Variants in SHISA9 observed in about 807,000 individuals in gnomAD.
SHISA9 encodes the protein shisa family member 9.
Under a neutral mutation model 38.0 loss-of-function variants are expected in SHISA9, and 13 were observed. The ratio of observed to expected loss-of-function variants is 0.34; its 90% CI spans 0.22 to 0.54. The LOEUF (loss-of-function observed/expected upper bound fraction) is 0.54, where lower values mean the gene tolerates loss of function less well. SHISA9 is among the 20% of genes least tolerant of loss of function. The probability of loss-of-function intolerance (pLI) is 0.91; values close to 1 mark genes in which losing one functional copy is unlikely to be tolerated. For synonymous variants in SHISA9, 275 were observed against 242.0 expected (o/e 1.14, Z -1.27); for missense variants, 538 against 575.8 (o/e 0.93, Z 0.67).
chr16:13,031,991 A>G (rs1328467885), intron 2 of SHISA9, among the ~76,000 whole-genome samples: 1 of 151,886 alleles, frequency 6.6e-6, no homozygotes, highest in Non-Finnish European at 1.5e-5. Context: ...GCAACTGTCT[A>G]TCCAACTTTC....
chr16:13,404,842 G>A, the SHISA9 span, among the ~76,000 whole-genome samples: 4 of 152,318 alleles, frequency 2.6e-5, no homozygotes, highest in East Asian at 3.9e-4. Flanking sequence ...ATTAAGACAC[G>A]AGAGAGCATC....
intron 3 of SHISA9, among the ~76,000 whole-genome samples, chr16:13,209,365 G>C (rs1004316824): frequency 1.3e-5 from 2 of 152,192 alleles, no homozygotes; most frequent in African/African-American, 4.8e-5. Flanking sequence ...GTTAACTCAT[G>C]TCAGGGATCT....
chr16:13,098,409 G>A (rs1326374148), intron 2 of SHISA9, among the ~76,000 whole-genome samples: 2 of 152,108 alleles, frequency 1.3e-5, no homozygotes, highest in African/African-American at 2.4e-5. Context: ...GGTGTTCTGT[G>A]TTACCATATA....
chr16:13,352,840 G>A, the SHISA9 span, among the ~76,000 whole-genome samples: 1 of 151,766 alleles, frequency 6.6e-6, no homozygotes, highest in Non-Finnish European at 1.5e-5. Context: ...GATGAGCCAG[G>A]AAAAGGACTT....
At chr16:13,513,494 C>T in the SHISA9 span, among the ~76,000 whole-genome samples, 2 of 152,112 alleles carry the variant, frequency 1.3e-5, no homozygotes, top group South Asian at 2.1e-4. Flanking sequence ...TGGGTATATA[C>T]CCCAAAAATA....
At chr16:12,960,694 C>T (rs1314563420) in intron 2 of SHISA9, among the ~76,000 whole-genome samples, 6 of 152,208 alleles carry the variant, frequency 3.9e-5, no homozygotes, top group African/African-American at 1.4e-4. Context: ...TGTGTTCTCA[C>T]TTTTAAGTGG....
At chr16:13,093,094 G>A (rs1311190625) in intron 2 of SHISA9, among the ~76,000 whole-genome samples, 1 of 152,076 alleles carries the variant, frequency 6.6e-6, no homozygotes, top group Non-Finnish European at 1.5e-5. Context: ...GAAGTTTCCC[G>A]GGGGCATAGA....
At chr16:13,170,644 A>G (rs1333013976) in intron 2 of SHISA9, among the ~76,000 whole-genome samples, 1 of 152,064 alleles carries the variant, frequency 6.6e-6, no homozygotes, top group Non-Finnish European at 1.5e-5. Context: ...AATTTCAAAT[A>G]AAAGTTTGTT....
At position 13,158,525 on chromosome 16, in the gene SHISA9, G is replaced by A. The variant is rs150000018; in HGVS notation, c.692-44869G>A. 6.6e-3 allele frequency among the ~76,000 whole-genome samples: 1,003 copies of A among 152,294 alleles called. 2 individuals carry two copies. Among genetic ancestry groups the A allele is most frequent in the Non-Finnish European group, 0.01 (701 of 68,022 alleles). ...AGTGCGCACTGGATATTGCCGCAGT[G>A]TTACTTTTCTCAAGATGGCTTATTC... On this transcript the variant is annotated intron_variant, in intron 2 of 4. Coordinates refer to ENST00000558583, the MANE Select transcript of SHISA9 (RefSeq NM_001145204.3).
the SHISA9 span, among the ~76,000 whole-genome samples, chr16:13,405,947 A>T: frequency 2.0e-5 from 3 of 151,998 alleles, no homozygotes; most frequent in African/African-American, 7.2e-5. Context: ...ATGACAAAAA[A>T]AAAAAAAAGC....
At chr16:13,222,592 T>G (rs2051237790) in intron 4 of SHISA9, among the ~76,000 whole-genome samples, 1 of 152,172 alleles carries the variant, frequency 6.6e-6, no homozygotes, top group African/African-American at 2.4e-5. Context: ...AATCTAGTTC[T>G]GAGTTGAGTG....
At chr16:13,109,457 G>A (rs2073957058) in intron 2 of SHISA9, among the ~76,000 whole-genome samples, 1 of 152,102 alleles carries the variant, frequency 6.6e-6, no homozygotes, top group Non-Finnish European at 1.5e-5. Context: ...AATCTTGCAA[G>A]GCACTTAATA....
the SHISA9 span, among the ~76,000 whole-genome samples, chr16:13,368,465 AC>A: frequency 3.9e-5 from 6 of 152,210 alleles, no homozygotes; most frequent in Admixed American, 2.6e-4. Flanking sequence ...GGAACTAAGA[AC>A]CTGATTAGAT....
At chr16:12,998,479 A>G (rs923254611) in intron 2 of SHISA9, among the ~76,000 whole-genome samples, 1 of 152,128 alleles carries the variant, frequency 6.6e-6, no homozygotes, top group African/African-American at 2.4e-5. Context: ...TGGTACTGCT[A>G]ATGTCTTTGT....
intron 2 of SHISA9, among the ~76,000 whole-genome samples, chr16:12,983,755 T>A (rs1216445010): frequency 6.6e-6 from 1 of 152,252 alleles, no homozygotes; most frequent in Non-Finnish European, 1.5e-5. Flanking sequence ...CCCAAAGTGC[T>A]GGGATTACAG....
chr16:13,381,563 C>G, the SHISA9 span, among the ~76,000 whole-genome samples: 1 of 152,152 alleles, frequency 6.6e-6, no homozygotes, highest in Admixed American at 6.5e-5. Context: ...GTTCATTTAA[C>G]TATATTTGAG....
chr16:13,523,947 A>G, the SHISA9 span, among the ~76,000 whole-genome samples: 2 of 152,208 alleles, frequency 1.3e-5, no homozygotes, highest in Non-Finnish European at 2.9e-5. Flanking sequence ...AGAGGAAAGT[A>G]CTACTATTAT....
chr16:13,179,209 T>C (rs1438706), intron 2 of SHISA9, among the ~76,000 whole-genome samples: 79,028 of 151,994 alleles, frequency 0.52, 21,863 homozygotes, highest in African/African-American at 0.72. Context: ...ATCCCACCTA[T>C]TCAGGAGGCT....
At chr16:13,192,855 A>C (rs546069440) in intron 2 of SHISA9, among the ~76,000 whole-genome samples, 45 of 152,080 alleles carry the variant, frequency 3.0e-4, no homozygotes, top group African/African-American at 1.1e-3. Flanking sequence ...AGTCTGGGCT[A>C]CAGAGCAAGA....
Sources: gnomAD v4.1 joint callset for allele counts (sites outside exome capture counted in the v4.1 genomes callset) on GRCh38, gnomAD v4.1.1 for gene constraint, MANE v1.5 for transcripts, NCBI Gene and HGNC (gene_info 2026-07-23, HGNC 2026-07-21) for gene names.